PNPLA1: variants seen among roughly 807,000 people sequenced by gnomAD.
The protein encoded by PNPLA1 is omega-hydroxyceramide transacylase.
Under a neutral mutation model 51.7 loss-of-function variants are expected in PNPLA1, and 36 were observed. The ratio of observed to expected loss-of-function variants is 0.70; its 90% CI spans 0.53 to 0.92. The LOEUF is 0.92. PNPLA1 is among the 40% of genes least tolerant of loss of function. The pLI, the probability that PNPLA1 is intolerant of heterozygous loss-of-function variation, is 0.00. For synonymous variants in PNPLA1, 293 were observed against 280.1 expected, an observed-to-expected ratio of 1.05 and a Z score of -0.46; for missense variants, 658 against 682.5, an observed-to-expected ratio of 0.96 and a Z score of 0.40.
intron 1 of PNPLA1, among the ~76,000 whole-genome samples, chr6:36,263,080 A>C (rs1370926556): frequency 6.6e-6 from 1 of 152,282 alleles, no homozygotes; most frequent in East Asian, 1.9e-4. Flanking sequence ...AATCGTTTAA[A>C]ATAACCAAGA....
intron 1 of PNPLA1, among the ~76,000 whole-genome samples, chr6:36,284,405 T>A (rs1361253102): frequency 6.6e-6 from 1 of 152,242 alleles, no homozygotes; most frequent in Non-Finnish European, 1.5e-5. Flanking sequence ...TGAAACCCTG[T>A]AATGCATTTA....
chr6:36,300,178 T>TGTGTGAGAGAGAGAGAGAGAGA, intron 5 of PNPLA1, among the ~76,000 whole-genome samples: 68 of 98,122 alleles, frequency 6.9e-4, no homozygotes, highest in East Asian at 1.7e-3. Context: ...TGTGTGTGTG[T>TGTGTGAGAGAGAGAGAGAGAGA]GAGAGAGAGA....
At chr6:36,272,584 C>A (rs1348069001) in intron 1 of PNPLA1, among the ~76,000 whole-genome samples, 1 of 152,184 alleles carries the variant, frequency 6.6e-6, no homozygotes, top group East Asian at 1.9e-4. Flanking sequence ...TGGCAACCAT[C>A]TGATTAGGCT....
intron 1 of PNPLA1, among the ~76,000 whole-genome samples, chr6:36,272,115 T>C (rs1769935566): frequency 6.6e-6 from 1 of 152,230 alleles, no homozygotes; most frequent in African/African-American, 2.4e-5. Context: ...ACTTTACTTC[T>C]ATTATCATTA....
At chr6:36,306,593 G>A (rs1254582746) in intron 7 of PNPLA1, among the ~76,000 whole-genome samples, 1 of 152,170 alleles carries the variant, frequency 6.6e-6, no homozygotes, top group Admixed American at 6.5e-5. Flanking sequence ...TGTCCGTGGT[G>A]ATGATGTCAT....
At chr6:36,302,928 C>T (rs1771113875) in intron 6 of PNPLA1, among the ~76,000 whole-genome samples, 1 of 152,126 alleles carries the variant, frequency 6.6e-6, no homozygotes, top group Non-Finnish European at 1.5e-5. Flanking sequence ...CAACCCAGCC[C>T]TCAACTGTGT....
chr6:36,288,343 G>A (rs1770567153), intron 1 of PNPLA1, among the ~76,000 whole-genome samples: 1 of 152,124 alleles, frequency 6.6e-6, no homozygotes, highest in African/African-American at 2.4e-5. Context: ...GCTGGGTGCA[G>A]TGGTTCATGC....
At chr6:36,304,218 T>A (rs538691853) in intron 6 of PNPLA1, among the ~76,000 whole-genome samples, 1 of 152,130 alleles carries the variant, frequency 6.6e-6, no homozygotes, top group Non-Finnish European at 1.5e-5. Flanking sequence ...CAGCCAAACT[T>A]CCAGAGCTAT....
In PNPLA1 at chr6:36,313,164, GGAA is replaced by G. The variant is rs1036856396; in HGVS notation, c.*1283_*1285del. On this transcript the variant is annotated 3_prime_UTR_variant, in exon 9 of 9. Coordinates refer to ENST00000636260, the MANE Select transcript of PNPLA1 (RefSeq NM_001374623.1). ...CCCTGGAGTCCTGGGTGGCTGTAGA[GGAA>G]GAAGGAGGCCAAATGTCCCTCCCCT... Among the ~76,000 whole-genome samples the G allele has an allele frequency of 6.6e-6, 1 of 152,176 alleles. No individual in the cohort carries two copies. Among genetic ancestry groups the G allele is most frequent in the Non-Finnish European group, 1.5e-5 (1 of 68,034 alleles).
At chr6:36,269,309 T>C (rs1208123132), upstream of PNPLA1, among the ~76,000 whole-genome samples, 3 of 152,164 alleles carry the variant, frequency 2.0e-5, no homozygotes, top group Non-Finnish European at 4.4e-5. Context: ...AGGGGACATT[T>C]TGTGGGTGTG....
rs1770798914 is a variant in PNPLA1 at position 36,294,504 on chromosome 6, C to T, written c.714+105C>T. On this transcript the variant is annotated intron_variant, in intron 4 of 8. Coordinates refer to ENST00000636260, the MANE Select transcript of PNPLA1 (RefSeq NM_001374623.1). The surrounding 1 kb of genome is among the most constrained non-coding windows in gnomAD (Gnocchi z 4.2). Reference sequence around the variant, plus strand: ...TCAAGTTCCATCTGAGTCTCCTCCCCTCAAATGGTCCTTTAAACTTCCTCC... The same window carrying T: ...TCAAGTTCCATCTGAGTCTCCTCCCTTCAAATGGTCCTTTAAACTTCCTCC... 1.9e-6 allele frequency: 2 copies of T among 1,067,960 alleles called. No homozygotes were observed. Among genetic ancestry groups the T allele is most frequent in the East Asian group, 2.5e-5 (1 of 40,712 alleles). The allele number at this position is 1,067,960 out of a possible 1,614,324, so 66.2% of individuals were successfully genotyped here.
chr6:36,291,305 C>G lies in PNPLA1; in HGVS notation c.206-15C>G. On this transcript the variant is annotated splice_polypyrimidine_tract_variant and intron_variant, in intron 1 of 8. Coordinates refer to ENST00000636260, the MANE Select transcript of PNPLA1 (RefSeq NM_001374623.1). ...GGTGGCACCGACCACCCCCTCTTCT[C>G]TGCTTCCTTTGCAGATGAGTATCTC... 1.2e-6 allele frequency: 2 copies of G among 1,610,772 alleles called. No individual in the cohort carries two copies. The highest frequency in any genetic ancestry group is 8.5e-7 in the Non-Finnish European group (1 of 1,177,900).
At chr6:36,298,676 G>A (rs920578379) in intron 5 of PNPLA1, among the ~76,000 whole-genome samples, 5 of 152,164 alleles carry the variant, frequency 3.3e-5, no homozygotes, top group African/African-American at 1.2e-4. Context: ...TTTTGTGACT[G>A]GCTTATTTAA....
chr6:36,285,515 C>T (rs117999509), intron 1 of PNPLA1, among the ~76,000 whole-genome samples: 4,353 of 152,286 alleles, frequency 0.029, 100 homozygotes, highest in East Asian at 0.099. Flanking sequence ...TCGCAAGAGG[C>T]CATGTGGAGT....
chr6:36,269,081 G>T (rs1315055465), upstream of PNPLA1, among the ~76,000 whole-genome samples: 2 of 152,344 alleles, frequency 1.3e-5, no homozygotes, highest in Admixed American at 1.3e-4. Context: ...CCTCCTAACT[G>T]AAGCCTGGCC....
intron 1 of PNPLA1, among the ~76,000 whole-genome samples, chr6:36,255,099 T>TCTGGCCGGGCGCGGTGG: frequency 6.6e-6 from 1 of 152,114 alleles, no homozygotes; most frequent in Middle Eastern, 3.2e-3. Flanking sequence ...TTTAAAAAAA[T>TCTGGCCGGGCGCGGTGG]CTAATGCCCG....
upstream of PNPLA1, among the ~76,000 whole-genome samples, chr6:36,267,439 G>A (rs764088913): frequency 1.1e-4 from 17 of 152,262 alleles, no homozygotes; most frequent in South Asian, 1.5e-3. Flanking sequence ...TCTGGCTGGC[G>A]TGTTTGCATG....
rs70975141 is a variant in PNPLA1 at position 36,282,088 on chromosome 6, AGAAGGAAG to A, written c.206-9188_206-9181del. Among the ~76,000 whole-genome samples the A allele has an allele frequency of 1.2e-3, 121 of 98,880 alleles. 2 individuals are homozygous for A. The highest frequency in any genetic ancestry group is 3.2e-3 in the African/African-American group (65 of 20,632). 64.9% of individuals were successfully genotyped at this position (98,880 alleles called of 152,430 possible). A position where few individuals can be genotyped will look rare whatever the true frequency, so the allele number is the denominator to read the frequency against. On this transcript the variant is annotated intron_variant, in intron 1 of 8. Transcript: ENST00000636260. The stretch of plus-strand genomic sequence containing the variant: ...AAGAAAGAAAGAAAGAAAGAAAGAA[AGAAGGAAG>A]GAAGGAAGGAAGGAAGGAAGGAAGG...
chr6:36,247,601 C>A (rs1769323355), intron 1 of PNPLA1, among the ~76,000 whole-genome samples: 1 of 152,118 alleles, frequency 6.6e-6, no homozygotes, highest in African/African-American at 2.4e-5. Context: ...GATCTGAGAG[C>A]AGGTTTACCA....
Sources: gnomAD v4.1 joint callset for allele counts (sites outside exome capture counted in the v4.1 genomes callset) on GRCh38, gnomAD v4.1.1 for gene constraint, Gnocchi (gnomAD v3.1) non-coding constraint, MANE v1.5 for transcripts, NCBI Gene and HGNC (gene_info 2026-07-23, HGNC 2026-07-21) for gene names.